NARS1: variants seen among roughly 807,000 people sequenced by gnomAD.
The protein encoded by NARS1 is asparaginyl-tRNA synthetase 1, also known as asparagine--tRNA ligase, cytoplasmic.
In NARS1, 65 loss-of-function variants were observed where a neutral mutation model predicts 79.2. That is an observed-to-expected ratio of 0.82 (90% CI 0.67 to 1.01). The LOEUF (loss-of-function observed/expected upper bound fraction) is 1.01, where lower values mean the gene tolerates loss of function less well. Among genes scored for constraint, NARS1 ranks in the 50% least tolerant of loss-of-function variants. NARS1 has a pLI of 0.00. For missense variants in NARS1, 649 were observed against 673.8 expected (o/e 0.96, Z 0.41); for synonymous variants, 229 against 238.8 (o/e 0.96, Z 0.38).
Position 57,607,121 on chromosome 18 carries a change from G to T in NARS1, c.1001+13C>A, listed in dbSNP as rs200392114. 23 of 1,592,056 alleles carry T rather than the reference G, an allele frequency of 1.4e-5. No individual in the cohort carries two copies. In the African/African-American group the frequency reaches 3.1e-4, roughly 22 times the overall value. On this transcript the variant is annotated intron_variant, in intron 9 of 13. Transcript: ENST00000256854. ...TACCTAGAAAGAAATAAAACAAAAA[G>T]ACAACTTCATACTCAGCCAGGTGCC...
At chr18:57,609,299 G>A in intron 7 of NARS1, 58 bp downstream of exon 7, 1 of 1,406,778 alleles carries the variant, frequency 7.1e-7, no homozygotes, top group African/African-American at 1.4e-5. Context: ...AAAGACACTG[G>A]AAAACAAACC....
intron 2 of NARS1, among the ~76,000 whole-genome samples, chr18:57,619,730 C>G (rs72942224): frequency 0.16 from 23,618 of 152,024 alleles, 2,115 homozygotes; most frequent in Non-Finnish European, 0.2. Context: ...GAGACAGGGT[C>G]TCAGGCTAGA....
At chr18:57,609,739 AT>A (rs1333577936) in intron 6 of NARS1, among the ~76,000 whole-genome samples, 1 of 152,194 alleles carries the variant, frequency 6.6e-6, no homozygotes, top group African/African-American at 2.4e-5. Flanking sequence ...CAGTTTATTT[AT>A]TTATTTTTAA....
In NARS1 at chr18:57,607,336, G is replaced by C; in HGVS notation, c.802-3C>G. ...TGCACTAATGTTGGAGGAGTAACCT[G>C]TTCAAATGCAAAGAAGGAATAAATC... On this transcript the variant is annotated splice_polypyrimidine_tract_variant and splice_region_variant and intron_variant, in intron 8 of 13. Coordinates refer to ENST00000256854, the MANE Select transcript of NARS1 (RefSeq NM_004539.4). The C allele has an allele frequency of 6.2e-7, 1 of 1,613,746 alleles. No individual in the cohort carries two copies. The highest frequency in any genetic ancestry group is 8.5e-7 in the Non-Finnish European group (1 of 1,179,684).
chr18:57,608,108 C>T (rs1008870846), intron 7 of NARS1, among the ~76,000 whole-genome samples: 5 of 151,778 alleles, frequency 3.3e-5, no homozygotes, highest in African/African-American at 4.8e-5. Flanking sequence ...CCTCGTGATC[C>T]GCCCGCCTCG....
At chr18:57,602,759 C>G (rs878887249) in intron 12 of NARS1, 53 bp downstream of exon 12, 1 of 1,575,534 alleles carries the variant, frequency 6.3e-7, no homozygotes, top group Non-Finnish European at 8.7e-7. Flanking sequence ...AGATGACAGT[C>G]CCCACCCCCT....
intron 6 of NARS1, among the ~76,000 whole-genome samples, chr18:57,609,729 CA>C (rs1362242922): frequency 6.6e-6 from 1 of 152,082 alleles, no homozygotes; most frequent in Non-Finnish European, 1.5e-5. Flanking sequence ...AATATCTGGA[CA>C]GTTTATTTAT....
chr18:57,609,390 A>G lies in NARS1; in HGVS notation c.546T>C (p.Tyr182=). Residue 182 remains tyrosine (Y), a synonymous_variant, in exon 7 of 14, where the codon TAT becomes TAC. Coordinates refer to ENST00000256854, the MANE Select transcript of NARS1 (RefSeq NM_004539.4). ...CCTTTGGGGTAAGATTTAGCATTCC[A>G]TACACTGCAACACTGCTCTCCGTGG... The part of the protein sequence containing the change: ...LLSTESSVAV[Y]GMLNLTPKGK... 2 of 1,614,064 alleles carry G rather than the reference A, an allele frequency of 1.2e-6. No individual in the cohort carries two copies. Among genetic ancestry groups the G allele is most frequent in the Non-Finnish European group, 1.7e-6 (2 of 1,180,004 alleles).
At chr18:57,604,031 T>A (rs2051533018) in intron 11 of NARS1, among the ~76,000 whole-genome samples, 1 of 152,216 alleles carries the variant, frequency 6.6e-6, no homozygotes, top group South Asian at 2.1e-4. Context: ...CCCACAATCT[T>A]GCAAAACAGA....
chr18:57,621,620 A>G, intron 1 of NARS1, 88 bp downstream of exon 1: 1 of 908,404 alleles, frequency 1.1e-6, no homozygotes, highest in Non-Finnish European at 1.7e-6. Context: ...CCACTCTGGT[A>G]GGCACTAAGG....
At chr18:57,609,199 T>C (rs2051585226) in intron 7 of NARS1, among the ~76,000 whole-genome samples, 158 bp downstream of exon 7, 1 of 152,226 alleles carries the variant, frequency 6.6e-6, no homozygotes, top group Non-Finnish European at 1.5e-5. Context: ...TGTGAGCCAA[T>C]TCTCCTTAAA....
chr18:57,603,018 A>T (rs1017481273), intron 11 of NARS1, 75 bp from the exon 12 acceptor site: 15 of 1,466,064 alleles, frequency 1.0e-5, no homozygotes, highest in Non-Finnish European at 1.3e-5. Context: ...TTCACCCTGT[A>T]CCAGTCCTTC....
At chr18:57,605,147 A>ATC (rs1160104065) in intron 11 of NARS1, among the ~76,000 whole-genome samples, 7 of 128,144 alleles carry the variant, frequency 5.5e-5, no homozygotes, top group Non-Finnish European at 8.7e-5. Context: ...ATATATATAT[A>ATC]TATATATCTA....
intron 6 of NARS1, among the ~76,000 whole-genome samples, chr18:57,610,168 A>C (rs922566980): frequency 5.3e-5 from 8 of 152,146 alleles, no homozygotes; most frequent in African/African-American, 1.7e-4. Flanking sequence ...ACCTGAACCC[A>C]CTAGTCATAA....
At chr18:57,609,225 A>G (rs967118416) in intron 7 of NARS1, 132 bp downstream of exon 7, 21 of 639,388 alleles carry the variant, frequency 3.3e-5, no homozygotes, top group Non-Finnish European at 5.5e-5. Context: ...CCTTTCACAT[A>G]TACATCTATC....
Position 57,607,605 on chromosome 18 carries a change from C to T in NARS1, c.640G>A (p.Gly214Arg), listed in dbSNP as rs749598815. 2.5e-6 allele frequency: 4 copies of T among 1,614,130 alleles called. No individual in the cohort carries two copies. The highest frequency in any genetic ancestry group is 3.4e-6 in the Non-Finnish European group (4 of 1,180,032). ...TCATTGATCAGGTTGTCAGCTCCTC[C>T]AGCAGGGGCCAACCCAATTAGTTCC... ...FWELIGLAPA[G>R]GADNLINEES... Residue 214 changes from glycine to arginine, a missense_variant, in exon 8 of 14, where the codon GGA becomes AGA. Physicochemically the swap from Gly to Arg is moderately radical, Grantham distance 125 (BLOSUM62 -2). Coordinates refer to ENST00000256854, the MANE Select transcript of NARS1 (RefSeq NM_004539.4).
In NARS1 at chr18:57,621,784, A is replaced by T. The variant is rs1908316747; in HGVS notation, c.-67T>A. 2 of 1,611,744 alleles carry T rather than the reference A, an allele frequency of 1.2e-6. No homozygotes were observed. Among genetic ancestry groups the T allele is most frequent in the South Asian group, 2.2e-5 (2 of 90,806 alleles). ...ACACCGACGCCGTCTTATGACTCCA[A>T]CGTGCACCGGCGGTTTCCGCGATTC... is the stretch of plus-strand genomic sequence containing the variant. On this transcript the variant is annotated 5_prime_UTR_variant, in exon 1 of 14. It adds an upstream start codon to the 5' untranslated region. Coordinates refer to ENST00000256854, the MANE Select transcript of NARS1 (RefSeq NM_004539.4).
At chr18:57,613,361 C>T (rs962357884) in intron 5 of NARS1, among the ~76,000 whole-genome samples, 1 of 151,858 alleles carries the variant, frequency 6.6e-6, no homozygotes, top group African/African-American at 2.4e-5. Context: ...GGTGTGGTGG[C>T]AGGTACCTGT....
In NARS1 at chr18:57,607,682, T is replaced by G; in HGVS notation, c.580-17A>C. The G allele has an allele frequency of 6.3e-7, 1 of 1,589,778 alleles. No homozygotes were observed. Among genetic ancestry groups the G allele is most frequent in the Admixed American group, 1.7e-5 (1 of 57,196 alleles). ...ACCTGGAGCCTGCATTTTTTAAAAG[T>G]GGGGTCCAGAGAAAGAGGGAAAAGG... On this transcript the variant is annotated splice_polypyrimidine_tract_variant and intron_variant, in intron 7 of 13. Coordinates refer to ENST00000256854, the MANE Select transcript of NARS1 (RefSeq NM_004539.4).
Sources: allele counts gnomAD v4.1 joint callset (sites outside exome capture counted in the v4.1 genomes callset), GRCh38; gene constraint gnomAD v4.1.1; transcripts MANE v1.5; gene names NCBI Gene and HGNC (gene_info 2026-07-23, HGNC 2026-07-21).